The following PTPRD variants were observed in gnomAD, a reference collection of about 807,000 sequenced individuals.
PTPRD encodes receptor-type tyrosine-protein phosphatase delta.
A neutral mutation model predicts 214.5 loss-of-function variants in PTPRD; 34 were observed. The observed-to-expected ratio is 0.16, with a 90% confidence interval of 0.12 to 0.21. The LOEUF (loss-of-function observed/expected upper bound fraction) is 0.21, where lower values mean the gene tolerates loss of function less well. PTPRD is among the 10% of genes least tolerant of loss of function. The pLI is 1.00. For missense variants in PTPRD, 2,545 were observed against 2,398.7 expected (o/e 1.06, Z -1.27); for synonymous variants, 1,128 against 845.7 (o/e 1.33, Z -5.79).
rs148894299 is a variant in PTPRD, at chr9:8,763,386, T to G, written c.-103-29440A>C. On this transcript the variant is annotated intron_variant, in intron 11 of 45. Transcript: ENST00000381196. ...AAAATTAGCTGGGTATGGTGGCTCATGCCTGTAATCCTAGCTACTTGGGAG... is the reference window on the plus strand; with the variant it reads ...AAAATTAGCTGGGTATGGTGGCTCAGGCCTGTAATCCTAGCTACTTGGGAG... Among the ~76,000 whole-genome samples, 527 of 152,106 alleles carry G rather than the reference T, an allele frequency of 3.5e-3. 2 individuals are homozygous for G. The highest frequency in any genetic ancestry group is 0.012 in the African/African-American group (513 of 41,534).
At chr9:8,628,937 G>C (rs576018105) in intron 14 of PTPRD, among the ~76,000 whole-genome samples, 1 of 151,872 alleles carries the variant, frequency 6.6e-6, no homozygotes, top group South Asian at 2.1e-4. Context: ...CCTATAAATA[G>C]ATAAGAGCAG....
chr9:9,435,563 T>C lies in PTPRD; in HGVS notation c.-236-38081A>G, dbSNP rs558035074. ...TTTTAAGTGCTAAGGATTTGTTTTA[T>C]TACACTTCATCATCTTTGGTAAAGA... On this transcript the variant is annotated intron_variant, in intron 8 of 45. Transcript: ENST00000381196. Among the ~76,000 whole-genome samples, 37 of 152,278 alleles carry C rather than the reference T, an allele frequency of 2.4e-4. No individual in the cohort carries two copies. In the South Asian group the frequency reaches 6.6e-3, roughly 27 times the overall value.
chr9:9,140,125 T>G (rs1184340893), intron 10 of PTPRD, among the ~76,000 whole-genome samples: 2 of 151,782 alleles, frequency 1.3e-5, no homozygotes, highest in East Asian at 3.9e-4. Context: ...TGGAATGAAG[T>G]TACTATTAGG....
chr9:9,376,577 T>C (rs1468761351), intron 9 of PTPRD, among the ~76,000 whole-genome samples: 1 of 152,128 alleles, frequency 6.6e-6, no homozygotes, highest in Non-Finnish European at 1.5e-5. Flanking sequence ...GAAATTGACA[T>C]TTAATAAAGT....
chr9:8,470,493 T>A (rs1384936013), intron 31 of PTPRD, among the ~76,000 whole-genome samples: 1 of 152,170 alleles, frequency 6.6e-6, no homozygotes, highest in Non-Finnish European at 1.5e-5. Flanking sequence ...TTTTTGACTC[T>A]GAAAACCTAC....
At chr9:9,191,565 T>G (rs73388812) in intron 9 of PTPRD, among the ~76,000 whole-genome samples, 3,157 of 152,224 alleles carry the variant, frequency 0.021, 110 homozygotes, top group African/African-American at 0.072. Context: ...TTATGAGTAT[T>G]TCCCTATCTA....
chr9:9,341,347 A>C (rs1008076620), intron 9 of PTPRD, among the ~76,000 whole-genome samples: 1 of 152,042 alleles, frequency 6.6e-6, no homozygotes, highest in Non-Finnish European at 1.5e-5. Flanking sequence ...GAAACTCTCC[A>C]TTCAGTTGTT....
chr9:9,374,611 G>T (rs1434469851), intron 9 of PTPRD, among the ~76,000 whole-genome samples: 1 of 152,178 alleles, frequency 6.6e-6, no homozygotes, highest in African/African-American at 2.4e-5. Context: ...AGGCCTTAAT[G>T]TAAGACAGTT....
intron 4 of PTPRD, among the ~76,000 whole-genome samples, chr9:9,959,706 T>C (rs1757730344): frequency 2.0e-5 from 3 of 152,160 alleles, no homozygotes; most frequent in African/African-American, 7.2e-5. Context: ...AAAGTTGTTT[T>C]CCACAGGGTA....
chr9:9,726,769 T>C (rs956130770), intron 7 of PTPRD, among the ~76,000 whole-genome samples: 2 of 152,200 alleles, frequency 1.3e-5, no homozygotes, highest in African/African-American at 4.8e-5. Context: ...GCAAGAATGA[T>C]ACACAGGCTC....
At chr9:10,276,495 A>G (rs1018858921) in intron 3 of PTPRD, among the ~76,000 whole-genome samples, 18 of 152,236 alleles carry the variant, frequency 1.2e-4, no homozygotes, top group Non-Finnish European at 2.6e-4. Context: ...CATTAAAATT[A>G]TTGTATAAAA....
chr9:8,943,086 A>C (rs2099043304), intron 11 of PTPRD, among the ~76,000 whole-genome samples: 1 of 152,100 alleles, frequency 6.6e-6, no homozygotes, highest in Non-Finnish European at 1.5e-5. Context: ...AGAAATGAAA[A>C]ATCTCTACAA....
chr9:8,714,723 G>A (rs2098412016), intron 12 of PTPRD, among the ~76,000 whole-genome samples: 1 of 151,982 alleles, frequency 6.6e-6, no homozygotes, highest in East Asian at 1.9e-4. Flanking sequence ...CTTTCTCACT[G>A]ACCTGACTAC....
rs75129024 is a variant in PTPRD at position 9,112,603 on chromosome 9, G to A, written c.-143+70701C>T. On this transcript the variant is annotated intron_variant, in intron 10 of 45. Transcript: ENST00000381196. ...CTCTGGTGGCTTTACTCTCTTGACT[G>A]ATGCAAACCTCGACTAATTCTCTTT... is the stretch of plus-strand genomic sequence containing the variant. Among the ~76,000 whole-genome samples, 1,197 of 152,216 alleles carry A rather than the reference G, an allele frequency of 7.9e-3. 13 individuals carry two copies. Among genetic ancestry groups the A allele is most frequent in the African/African-American group, 0.027 (1,117 of 41,554 alleles).
At chr9:9,803,277 A>G (rs1193441852) in intron 5 of PTPRD, among the ~76,000 whole-genome samples, 1 of 151,754 alleles carries the variant, frequency 6.6e-6, no homozygotes, top group Non-Finnish European at 1.5e-5. Flanking sequence ...GCAAGTCAGT[A>G]AACCGCTCAG....
chr9:8,965,645 G>T (rs2117103), intron 11 of PTPRD, among the ~76,000 whole-genome samples: 2 of 151,782 alleles, frequency 1.3e-5, no homozygotes, highest in African/African-American at 4.8e-5. Flanking sequence ...CCTTAAAATC[G>T]TAAGTGTCAT....
intron 3 of PTPRD, among the ~76,000 whole-genome samples, chr9:10,089,543 G>A (rs1230981618): frequency 6.6e-6 from 1 of 151,548 alleles, no homozygotes; most frequent in Admixed American, 6.6e-5. Flanking sequence ...TAATGTTGAG[G>A]TAAACTGAGT....
chr9:9,001,091 AGG>A (rs2099416463), intron 11 of PTPRD, among the ~76,000 whole-genome samples: 1 of 151,988 alleles, frequency 6.6e-6, no homozygotes, highest in South Asian at 2.1e-4. Context: ...GGAGAAAGGT[AGG>A]GGAATTAATT....
chr9:10,425,082 A>G lies in PTPRD; in HGVS notation c.-599-84065T>C, dbSNP rs2098599963. ...ATGTAAATCCATATATTTCAGAACAATATAAAAAGAAACAGGATTTTAATA... is the reference window on the plus strand; with the variant it reads ...ATGTAAATCCATATATTTCAGAACAGTATAAAAAGAAACAGGATTTTAATA... On this transcript the variant is annotated intron_variant, in intron 2 of 45. Transcript: ENST00000381196. Among the ~76,000 whole-genome samples, 4 of 152,014 alleles carry G rather than the reference A, an allele frequency of 2.6e-5. No homozygotes were observed. The South Asian group carries it at 8.3e-4, about 32-fold the overall frequency.
Sources: gnomAD v4.1 joint callset for allele counts (sites outside exome capture counted in the v4.1 genomes callset) on GRCh38, gnomAD v4.1.1 for gene constraint, MANE v1.5 for transcripts, NCBI Gene and HGNC (gene_info 2026-07-23, HGNC 2026-07-21) for gene names.